Variants in SAMMSON observed in about 807,000 individuals in gnomAD.
The protein encoded by SAMMSON is survival associated mitochondrial melanoma specific oncogenic non-coding RNA.
At chr3:70,144,489 G>A (rs1260116915) in intron 4 of SAMMSON, among the ~76,000 whole-genome samples, 5 of 152,068 alleles carry the variant, frequency 3.3e-5, no homozygotes, top group Non-Finnish European at 5.9e-5. Flanking sequence ...AATTATGTAT[G>A]CATGTATTTC....
At chr3:70,428,084 G>A (rs564357468) in intron 2 of SAMMSON, among the ~76,000 whole-genome samples, 8 of 151,872 alleles carry the variant, frequency 5.3e-5, no homozygotes, top group Non-Finnish European at 1.0e-4. Context: ...AAAATACTGC[G>A]GAAAGAAATT....
At chr3:70,383,177 A>T (rs116420600) in intron 9 of SAMMSON, among the ~76,000 whole-genome samples, 2,356 of 152,098 alleles carry the variant, frequency 0.015, 29 homozygotes, top group Non-Finnish European at 0.026. Context: ...GCATTTAATG[A>T]TTATACTTTG....
chr3:70,011,599 G>A (rs2066956029), intron 1 of SAMMSON, among the ~76,000 whole-genome samples: 1 of 149,538 alleles, frequency 6.7e-6, no homozygotes, highest in African/African-American at 2.5e-5. Flanking sequence ...GAAATGAAGA[G>A]TTTACTTTTT....
chr3:70,251,688 C>A (rs1278579941), intron 6 of SAMMSON, among the ~76,000 whole-genome samples: 1 of 152,054 alleles, frequency 6.6e-6, no homozygotes, highest in Admixed American at 6.6e-5. Context: ...CTTTTAATGG[C>A]AAAACCCGCA....
chr3:70,304,819 T>C (rs1361230168), intron 7 of SAMMSON, among the ~76,000 whole-genome samples: 1 of 152,142 alleles, frequency 6.6e-6, no homozygotes, highest in Non-Finnish European at 1.5e-5. Context: ...GCGAAAAAAA[T>C]ATCCAGATTC....
At chr3:70,355,842 T>G (rs1003234819) in intron 8 of SAMMSON, among the ~76,000 whole-genome samples, 2 of 152,164 alleles carry the variant, frequency 1.3e-5, no homozygotes, top group African/African-American at 4.8e-5. Flanking sequence ...ACGAAGGAAC[T>G]ATTTCACTTG....
intron 7 of SAMMSON, among the ~76,000 whole-genome samples, chr3:70,320,673 C>CGT (rs996324963): frequency 3.3e-5 from 5 of 151,984 alleles, no homozygotes; most frequent in Admixed American, 1.3e-4. Flanking sequence ...TCAGCACCAC[C>CGT]AGGCCACCAT....
chr3:70,265,623 A>T (rs1414748980), intron 6 of SAMMSON, among the ~76,000 whole-genome samples: 1 of 152,222 alleles, frequency 6.6e-6, no homozygotes, highest in Non-Finnish European at 1.5e-5. Context: ...AGGTAAGCAG[A>T]TAAGGGACAT....
At chr3:70,262,658 A>T (rs1701877714) in intron 6 of SAMMSON, among the ~76,000 whole-genome samples, 1 of 152,172 alleles carries the variant, frequency 6.6e-6, no homozygotes, top group African/African-American at 2.4e-5. Flanking sequence ...CAAATTTTAC[A>T]CTTGTGTCAC....
intron 2 of SAMMSON, among the ~76,000 whole-genome samples, chr3:70,399,589 G>C (rs4398397): frequency 6.6e-6 from 1 of 152,112 alleles, no homozygotes; most frequent in Non-Finnish European, 1.5e-5. Context: ...TCATGGGCCA[G>C]ACATGGTGGC....
chr3:70,112,128 C>T (rs1282789681), intron 4 of SAMMSON, among the ~76,000 whole-genome samples: 2 of 152,018 alleles, frequency 1.3e-5, no homozygotes, highest in Non-Finnish European at 2.9e-5. Flanking sequence ...AATTAAACAA[C>T]TAGAAATACC....
chr3:70,124,836 A>AAAAG (rs2067449498), intron 4 of SAMMSON, among the ~76,000 whole-genome samples: 11 of 148,886 alleles, frequency 7.4e-5, no homozygotes, highest in Admixed American at 2.0e-4. Flanking sequence ...AAAAAAAAAA[A>AAAAG]AAAGAAAGAA....
At chr3:70,104,692 C>A (rs2067360082) in intron 4 of SAMMSON, among the ~76,000 whole-genome samples, 1 of 152,120 alleles carries the variant, frequency 6.6e-6, no homozygotes, top group South Asian at 2.1e-4. Context: ...GTTTTTAGAA[C>A]ACCTCAAGAG....
At chr3:70,333,754 A>G (rs918288525) in intron 7 of SAMMSON, among the ~76,000 whole-genome samples, 10 of 152,204 alleles carry the variant, frequency 6.6e-5, no homozygotes, top group Admixed American at 2.0e-4. Flanking sequence ...ATCATGTCTT[A>G]GTCCTGCTTA....
At chr3:70,307,646 T>C (rs909155408) in intron 7 of SAMMSON, among the ~76,000 whole-genome samples, 2 of 152,166 alleles carry the variant, frequency 1.3e-5, no homozygotes, top group Non-Finnish European at 1.5e-5. Context: ...CTGTGTGTAT[T>C]AGCCGTCACC....
intron 3 of SAMMSON, among the ~76,000 whole-genome samples, chr3:70,028,176 TTC>T (rs1559776253): frequency 8.4e-4 from 124 of 147,744 alleles, no homozygotes; most frequent in Admixed American, 1.3e-3. Flanking sequence ...CCTTCCTTCC[TTC>T]CTTCCTTCCT....
intron 4 of SAMMSON, among the ~76,000 whole-genome samples, chr3:70,234,422 G>A (rs2106747272): frequency 6.6e-6 from 1 of 152,214 alleles, no homozygotes; most frequent in East Asian, 1.9e-4. Flanking sequence ...GCTGAGGTAG[G>A]TGGATTTCTT....
At chr3:70,016,437 G>A (rs1164921332) in intron 3 of SAMMSON, among the ~76,000 whole-genome samples, 1 of 152,078 alleles carries the variant, frequency 6.6e-6, no homozygotes, top group Non-Finnish European at 1.5e-5. Context: ...GGGGTTGTTT[G>A]TTTTTTTCGT....
intron 4 of SAMMSON, among the ~76,000 whole-genome samples, chr3:70,222,313 G>C (rs556629135): frequency 3.3e-5 from 5 of 152,302 alleles, no homozygotes; most frequent in Admixed American, 1.3e-4. Context: ...AAGTTCTTCT[G>C]TGTTACCATG....
Sources: allele counts gnomAD v4.1 joint callset (sites outside exome capture counted in the v4.1 genomes callset), GRCh38; gene constraint gnomAD v4.1.1; transcripts MANE v1.5; gene names NCBI Gene and HGNC (gene_info 2026-07-23, HGNC 2026-07-21).